The following TOMT variants were observed in gnomAD, a reference collection of about 807,000 sequenced individuals.
TOMT encodes transmembrane O-methyltransferase.
A neutral mutation model predicts 21.7 loss-of-function variants in TOMT; 23 were observed. The observed-to-expected ratio is 1.06, with a 90% CI of 0.76 to 1.50. The LOEUF is 1.50. Among genes scored for constraint, TOMT ranks in the 40% most tolerant of loss-of-function variants. The pLI, the probability that TOMT is intolerant of heterozygous loss-of-function variation, is 0.00. For synonymous variants in TOMT, 132 were observed against 150.8 expected, an observed-to-expected ratio of 0.88 and a Z score of 0.91; for missense variants, 331 against 348.7, an observed-to-expected ratio of 0.95 and a Z score of 0.41.
intron 1 of TOMT, chr11:72,107,710 G>A: frequency 3.2e-6 from 2 of 620,518 alleles, no homozygotes; most frequent in Non-Finnish European, 5.7e-6. Flanking sequence ...GGAGTAATAA[G>A]GTCAGATTTG....
At chr11:72,107,900 G>C in intron 1 of TOMT, 23 bp from the exon 2 acceptor site, 1 of 1,551,476 alleles carries the variant, frequency 6.4e-7, no homozygotes, top group Non-Finnish European at 8.7e-7. Flanking sequence ...CATGTCTTCT[G>C]CAACAGCCAT....
At chr11:72,106,116 C>T in exon 1 of TOMT, 1 of 1,547,196 alleles carries the variant, frequency 6.5e-7, no homozygotes, top group Non-Finnish European at 8.7e-7. Context: ...ACGTGCTCAC[C>T]CATGCCCTGC....
intron 1 of TOMT, 110 bp from the exon 2 acceptor site, chr11:72,107,813 C>A (rs1038945311): frequency 8.2e-7 from 1 of 1,216,972 alleles, no homozygotes; most frequent in Non-Finnish European, 1.2e-6. Context: ...ACAGATGAGA[C>A]CCCGGCTGGT....
chr11:72,106,896 G>T (rs1370600315), intron 1 of TOMT: 1 of 147,006 alleles, frequency 6.8e-6, no homozygotes, highest in Non-Finnish European at 1.5e-5. Context: ...AGCTGTGATT[G>T]TGCCACTGCA....
In TOMT at chr11:72,108,054, C is replaced by T. The variant is rs1484858102; in HGVS notation, c.391C>T (p.Arg131Trp). Residue 131 changes from arginine to tryptophan, a missense_variant, in exon 2 of 3, where the codon CGG (arginine) becomes TGG (tryptophan). Transcript: ENST00000541899. Reference sequence around the variant, plus strand: ...TGGGGGTCGCCTTCTTACTGTGGAGCGGGACCCACGCACGGCAGCAGTGGC... The same window carrying T: ...TGGGGGTCGCCTTCTTACTGTGGAGTGGGACCCACGCACGGCAGCAGTGGC... The T allele has an allele frequency of 4.5e-6, 7 of 1,549,846 alleles. No homozygotes were observed. The highest frequency in any genetic ancestry group is 2.0e-5 in the Admixed American group (1 of 50,858).
Position 72,106,006 on chromosome 11 carries a change from C to T in TOMT, c.55C>T (p.Arg19Trp), listed in dbSNP as rs1372399805. The T allele has an allele frequency of 3.9e-6, 6 of 1,550,870 alleles. No homozygotes were observed. The highest frequency in any genetic ancestry group is 4.9e-5 in the East Asian group (2 of 40,918). ...GCCACTGGTGGTAACATTGCTGGTG[C>T]GGTACCGGCACTACTTCCGATTGCT... The change falls in exon 1 of 3, where the codon CGG (arginine) becomes TGG (tryptophan). Residue 19 changes from arginine (R) to tryptophan (W), a missense_variant. Coordinates refer to ENST00000541899, the Ensembl canonical transcript of TOMT.
chr11:72,108,068 G>A lies in TOMT; in HGVS notation c.405G>A (p.Thr135=), dbSNP rs772573727. Residue 135 remains threonine (T), a synonymous_variant, in exon 2 of 3, where the codon ACG becomes ACA. Transcript: ENST00000541899. ...TTACTGTGGAGCGGGACCCACGCAC[G>A]GCAGCAGTGGCTGAAAAACTCATCC... is the stretch of plus-strand genomic sequence containing the variant. The A allele has an allele frequency of 6.0e-5, 92 of 1,541,918 alleles. No homozygotes were observed. The highest frequency in any genetic ancestry group is 4.5e-4 in the African/African-American group (33 of 72,772).
intron 1 of TOMT, 115 bp downstream of exon 1, chr11:72,106,325 G>T: frequency 8.6e-7 from 1 of 1,162,940 alleles, no homozygotes; most frequent in Non-Finnish European, 1.1e-6. Context: ...CCTCTTTTAG[G>T]GCCTCTTTTT....
intron 2 of TOMT, 96 bp from the exon 3 acceptor site, chr11:72,108,509 C>A: frequency 8.8e-7 from 1 of 1,137,436 alleles, no homozygotes; most frequent in Non-Finnish European, 1.2e-6. Context: ...GGAAGCTAAG[C>A]CAGGACCTGG....
At chr11:72,108,100 C>A (rs1305909598) in exon 2 of TOMT, 2 of 1,526,348 alleles carry the variant, frequency 1.3e-6, no homozygotes, top group Non-Finnish European at 8.8e-7. Flanking sequence ...ATCCGCCTGG[C>A]CGGCTTTGAT....
At chr11:72,106,940 C>CAAA in intron 1 of TOMT, 1 of 81,524 alleles carries the variant, frequency 1.2e-5, no homozygotes, top group South Asian at 3.7e-4. Flanking sequence ...GAACCTGTCT[C>CAAA]AAAAAAAAAA....
At chr11:72,107,314 TTTGA>T (rs1231723501) in intron 1 of TOMT, 1 of 608,702 alleles carries the variant, frequency 1.6e-6, no homozygotes, top group Admixed American at 2.9e-5. Context: ...CAGAAATACA[TTTGA>T]TGAGCAATAA....
intron 2 of TOMT, 134 bp from the exon 3 acceptor site, chr11:72,108,471 G>C: frequency 1.4e-6 from 1 of 727,434 alleles, no homozygotes; most frequent in South Asian, 2.5e-5. Context: ...TAGGTTCTGA[G>C]GTCAGAGGAA....
rs876657500 is a variant in TOMT at position 72,105,969 on chromosome 11, A to G, written c.18A>G (p.Ala6=). 53 of 1,549,766 alleles carry G rather than the reference A, an allele frequency of 3.4e-5. No homozygotes were observed. The highest frequency in any genetic ancestry group is 4.5e-5 in the Non-Finnish European group (52 of 1,146,732). ...TAGGGACCATGTCCCCTGCCATTGCATTGGCCTTCCTGCCACTGGTGGTAA... is the reference window on the plus strand; with the variant it reads ...TAGGGACCATGTCCCCTGCCATTGCGTTGGCCTTCCTGCCACTGGTGGTAA... The change falls in exon 1 of 3, where the codon GCA becomes GCG. Residue 6 remains alanine (A), a synonymous_variant. Coordinates refer to ENST00000541899, the Ensembl canonical transcript of TOMT.
chr11:72,107,951 G>C, exon 2 of TOMT: 3 of 1,551,740 alleles, frequency 1.9e-6, no homozygotes, highest in South Asian at 1.2e-5. Flanking sequence ...TGGTGGAGGA[G>C]AAGGCCCCTG....
chr11:72,107,941 T>C, exon 2 of TOMT: 2 of 1,551,716 alleles, frequency 1.3e-6, no homozygotes, highest in Non-Finnish European at 8.7e-7. Context: ...CTGATGCGGC[T>C]GGTGGAGGAG....
intron 1 of TOMT, chr11:72,107,404 A>T (rs1017622851): frequency 1.4e-6 from 1 of 698,000 alleles, no homozygotes; most frequent in Non-Finnish European, 2.6e-6. Context: ...TCTGCCTGGG[A>T]CTTCATGGAG....
rs1425399080 is a variant in TOMT at position 72,108,705 on chromosome 11, G to A, written c.557G>A (p.Arg186Gln). The A allele has an allele frequency of 9.0e-6, 14 of 1,548,646 alleles. No individual in the cohort carries two copies. The highest frequency in any genetic ancestry group is 7.2e-5 in the South Asian group (6 of 83,876). Residue 186 changes from arginine (R) to glutamine (Q), a missense_variant, in exon 3 of 3, where the codon CGA becomes CAA. Physicochemically the swap from Arg to Gln is conservative, Grantham distance 43. Coordinates refer to ENST00000541899, the Ensembl canonical transcript of TOMT. ...CTGGTGCTCCTGGCACACCGGCCAC[G>A]ATGTTACCTGAGGGACCTGCAGCTG...
chr11:72,108,513 G>A (rs902543462), intron 2 of TOMT, 92 bp from the exon 3 acceptor site: 5 of 1,167,934 alleles, frequency 4.3e-6, no homozygotes, highest in South Asian at 1.8e-5. Context: ...GCTAAGCCAG[G>A]ACCTGGCATG....
Sources: gnomAD v4.1 joint callset for allele counts on GRCh38, gnomAD v4.1.1 for gene constraint, MANE v1.5 for transcripts, NCBI Gene and HGNC (gene_info 2026-07-23, HGNC 2026-07-21) for gene names.